The following ANKAR variants were observed in gnomAD, a reference collection of about 807,000 sequenced individuals.
The protein encoded by ANKAR is ankyrin and armadillo repeat containing, also known as ankyrin and armadillo repeat-containing protein.
ANKAR carries 136 observed loss-of-function variants against 146.2 expected under a neutral mutation model. The ratio of observed to expected loss-of-function variants is 0.93; its 90% CI spans 0.81 to 1.07. The LOEUF is 1.07. Among genes scored for constraint, ANKAR ranks in the 50% least tolerant of loss-of-function variants. ANKAR has a pLI of 0.00. For synonymous variants in ANKAR, 500 were observed against 575.8 expected (o/e 0.87, Z 1.88); for missense variants, 1,567 against 1,679.9 (o/e 0.93, Z 1.18).
chr2:189,730,207 A>G (rs2042280061), intron 15 of ANKAR, among the ~76,000 whole-genome samples: 1 of 152,202 alleles, frequency 6.6e-6, no homozygotes, highest in Non-Finnish European at 1.5e-5. Flanking sequence ...TTCTTCAATA[A>G]ATGATAGCTA....
In ANKAR at chr2:189,727,772, A is replaced by G. The variant is rs137933148; in HGVS notation, c.2636-84A>G. 584 of 1,451,040 alleles carry G rather than the reference A, an allele frequency of 4.0e-4. 7 individuals are homozygous for G. In the East Asian group the frequency reaches 8.8e-3, roughly 22 times the overall value. 89.9% of individuals were successfully genotyped at this position (1,451,040 alleles called of 1,614,324 possible). On this transcript the variant is annotated intron_variant, in intron 12 of 22. Coordinates refer to ENST00000684021, the MANE Select transcript of ANKAR (RefSeq NM_001378068.1). ...AGCTTTTTATAAATTTGATTTTATA[A>G]TATGGGAAACTAATGATATGCTGCA... is the stretch of plus-strand genomic sequence containing the variant.
At chr2:189,683,618 A>C (rs943016637) in intron 2 of ANKAR, among the ~76,000 whole-genome samples, 3 of 152,060 alleles carry the variant, frequency 2.0e-5, no homozygotes, top group Admixed American at 6.5e-5. Flanking sequence ...GGAGTGTACC[A>C]CCTCTCCCCT....
intron 2 of ANKAR, among the ~76,000 whole-genome samples, chr2:189,680,130 T>C (rs1393923199): frequency 6.6e-6 from 1 of 152,216 alleles, no homozygotes; most frequent in Admixed American, 6.5e-5. Context: ...CTACTTGTTA[T>C]TGGTCTGTTC....
intron 2 of ANKAR, among the ~76,000 whole-genome samples, chr2:189,679,196 A>G (rs926870126): frequency 4.0e-5 from 6 of 151,872 alleles, no homozygotes; most frequent in African/African-American, 1.5e-4. Context: ...ATTTTATTTA[A>G]CTTTATTTAA....
intron 18 of ANKAR, chr2:189,754,127 A>G (rs1294245803): frequency 6.2e-7 from 1 of 1,612,384 alleles, no homozygotes. Context: ...CAACTTTACT[A>G]ATTAGAAATA....
rs774081735 is a variant in ANKAR, at chr2:189,709,099, A to AAAAT, written c.2120-1927_2120-1924dup. Among the ~76,000 whole-genome samples, 210 of 150,748 alleles carry AAAAT rather than the reference A, an allele frequency of 1.4e-3. 1 individual carries two copies. Among genetic ancestry groups the AAAAT allele is most frequent in the East Asian group, 4.9e-3 (25 of 5,120 alleles). On this transcript the variant is annotated intron_variant, in intron 9 of 22. Transcript: ENST00000684021. Reference sequence around the variant, plus strand: ...CTGTGACAGAGCGAGACTTCGTCTCAAAATAAATAAATAAATAAATAAATA... The same window carrying AAAAT: ...CTGTGACAGAGCGAGACTTCGTCTCAAAATAAATAAATAAATAAATAAATAAATA...
chr2:189,704,581 ATATATATATATATAT>A (rs1559088889), intron 7 of ANKAR, among the ~76,000 whole-genome samples: 9 of 116,368 alleles, frequency 7.7e-5, no homozygotes, highest in Non-Finnish European at 1.2e-4. Flanking sequence ...ATATATATAT[ATATATATATATATAT>A]AATTTTAATT....
rs1362983873 is a variant in ANKAR at position 189,676,827 on chromosome 2, TG to T, written c.338del (p.Cys113SerfsTer2). Reference protein sequence around the residue: ...MIRELAIGIYCLNQIPSISLE... With the variant: ...MIRELAIGIYXLNQIPSISLE... ...AAGAGAGTTGGCTATTGGAATTTAT[TG>T]CCTAAATCAAATCCCTTCCATCAGT... On this transcript the variant is annotated frameshift_variant, in exon 2 of 23. Coordinates refer to ENST00000684021, the MANE Select transcript of ANKAR (RefSeq NM_001378068.1). LOFTEE classifies it high-confidence loss of function. 1 of 1,614,218 alleles carries T rather than the reference TG, an allele frequency of 6.2e-7. No homozygotes were observed. The highest frequency in any genetic ancestry group is 1.1e-5 in the South Asian group (1 of 91,086).
chr2:189,710,582 T>C (rs2039552135), intron 9 of ANKAR, among the ~76,000 whole-genome samples: 1 of 152,166 alleles, frequency 6.6e-6, no homozygotes, highest in African/African-American at 2.4e-5. Flanking sequence ...AGTGGATTGC[T>C]TGAACCCAAG....
At chr2:189,692,778 A>G in intron 4 of ANKAR, 1 of 256,168 alleles carries the variant, frequency 3.9e-6, no homozygotes, top group Non-Finnish European at 7.3e-6. Flanking sequence ...AATCAGGATT[A>G]GAACAGAGAT....
rs568376119 is a variant in ANKAR, at chr2:189,711,405, G to A, written c.2224+252G>A. On this transcript the variant is annotated intron_variant, in intron 10 of 22. Coordinates refer to ENST00000684021, the MANE Select transcript of ANKAR (RefSeq NM_001378068.1). The stretch of plus-strand genomic sequence containing the variant: ...GAAAAATTAAAAAATAATGTTAAGT[G>A]TTAATTTAAATGTTAAATTACTTTA... Among the ~76,000 whole-genome samples the A allele has an allele frequency of 5.9e-5, 9 of 152,230 alleles. 1 individual carries two copies. The East Asian group carries it at 1.5e-3, about 26-fold the overall frequency.
In ANKAR at chr2:189,737,579, T is replaced by G. The variant is rs919311719; in HGVS notation, c.3424-104T>G. ...TAGTAATGTCATATTTTACTCCCAG[T>G]GATAAGAATGCAATATATTTTAATG... is the stretch of plus-strand genomic sequence containing the variant. On this transcript the variant is annotated intron_variant, in intron 17 of 22. Coordinates refer to ENST00000684021, the MANE Select transcript of ANKAR (RefSeq NM_001378068.1). 19 of 989,650 alleles carry G rather than the reference T, an allele frequency of 1.9e-5. No individual in the cohort carries two copies. In the East Asian group the frequency reaches 5.5e-4, roughly 29 times the overall value. The allele number at this position is 989,650 out of a possible 1,614,324, so 61.3% of individuals were successfully genotyped here.
intron 9 of ANKAR, among the ~76,000 whole-genome samples, chr2:189,709,443 G>C (rs1574523853): frequency 6.6e-6 from 1 of 152,164 alleles, no homozygotes; most frequent in Non-Finnish European, 1.5e-5. Flanking sequence ...CAGAAAAGTG[G>C]GGAGGGTGGG....
chr2:189,730,122 C>T (rs1366842330), intron 15 of ANKAR, among the ~76,000 whole-genome samples: 1 of 152,132 alleles, frequency 6.6e-6, no homozygotes, highest in Non-Finnish European at 1.5e-5. Context: ...GTGATTTACT[C>T]TATTCATTTT....
chr2:189,675,346 T>G lies in ANKAR; in HGVS notation c.-36+516T>G, dbSNP rs188945158. On this transcript the variant is annotated intron_variant, in intron 1 of 22. Coordinates refer to ENST00000684021, the MANE Select transcript of ANKAR (RefSeq NM_001378068.1). ...ATTCATTGGCACAGAAATTGAAGGTTAAGCAAATGCTTCTTTCCTTTTCTT... is the reference window on the plus strand; with the variant it reads ...ATTCATTGGCACAGAAATTGAAGGTGAAGCAAATGCTTCTTTCCTTTTCTT... Among the ~76,000 whole-genome samples the G allele has an allele frequency of 2.0e-4, 31 of 152,332 alleles. No homozygotes were observed. In the East Asian group the frequency reaches 5.0e-3, roughly 25 times the overall value.
chr2:189,726,352 G>C (rs1404154798), intron 12 of ANKAR, among the ~76,000 whole-genome samples: 1 of 151,874 alleles, frequency 6.6e-6, no homozygotes, highest in Non-Finnish European at 1.5e-5. Context: ...TTGCTATGTT[G>C]CCCGGGCTGA....
chr2:189,711,006 T>A (rs2039612143), intron 9 of ANKAR, 43 bp from the exon 10 acceptor site: 1 of 1,538,200 alleles, frequency 6.5e-7, no homozygotes, highest in Admixed American at 1.8e-5. Context: ...TCATTGCCTT[T>A]TGTGCAAATT....
intron 2 of ANKAR, among the ~76,000 whole-genome samples, chr2:189,681,709 C>G (rs1221718396): frequency 6.6e-6 from 1 of 152,184 alleles, no homozygotes; most frequent in Non-Finnish European, 1.5e-5. Context: ...TTTTCTGGAT[C>G]ATGGAGCTTT....
At chr2:189,698,142 T>C (rs1159605074) in intron 7 of ANKAR, among the ~76,000 whole-genome samples, 1 of 152,204 alleles carries the variant, frequency 6.6e-6, no homozygotes, top group Non-Finnish European at 1.5e-5. Flanking sequence ...AAGTATTTGG[T>C]GCATTTAAAA....
Sources: allele counts gnomAD v4.1 joint callset (sites outside exome capture counted in the v4.1 genomes callset), GRCh38; gene constraint gnomAD v4.1.1; transcripts MANE v1.5; gene names NCBI Gene and HGNC (gene_info 2026-07-23, HGNC 2026-07-21).